Variants in ELP3 observed in about 807,000 individuals in gnomAD.
ELP3 encodes the protein elongator acetyltransferase complex subunit 3.
In ELP3, 56 loss-of-function variants were observed where a neutral mutation model predicts 74.9. The ratio of observed to expected loss-of-function variants is 0.75; its 90% CI spans 0.60 to 0.93. The LOEUF (loss-of-function observed/expected upper bound fraction) is 0.93. Ranked by LOEUF, ELP3 falls within the 40% of genes least tolerant of loss-of-function variation. The probability of loss-of-function intolerance (pLI) is 0.00; values close to 1 mark genes in which losing one functional copy is unlikely to be tolerated. For synonymous variants in ELP3, 222 were observed against 239.8 expected (o/e 0.93, Z 0.68); for missense variants, 573 against 686.5 (o/e 0.83, Z 1.85).
chr8:28,149,059 G>A (rs1813542954), intron 10 of ELP3, among the ~76,000 whole-genome samples: 1 of 152,196 alleles, frequency 6.6e-6, no homozygotes, highest in African/African-American at 2.4e-5. Flanking sequence ...CCATCTGTGA[G>A]AAAGTGGGCC....
chr8:28,093,495 A>C, intron 1 of ELP3: 1 of 565,972 alleles, frequency 1.8e-6, no homozygotes. Flanking sequence ...CATTATTCCA[A>C]TATATGCCCT....
At chr8:28,090,424 T>C (rs1170344237), upstream of ELP3, 5 of 303,616 alleles carry the variant, frequency 1.6e-5, no homozygotes, top group Non-Finnish European at 3.2e-5. Flanking sequence ...TGTCCAAGTC[T>C]GGAACCCAGG....
chr8:28,154,037 A>G (rs575831476), intron 10 of ELP3, among the ~76,000 whole-genome samples: 10 of 152,298 alleles, frequency 6.6e-5, no homozygotes, highest in South Asian at 4.1e-4. Context: ...CTGAGATGCT[A>G]TCTCATGTTC....
intron 3 of ELP3, 73 bp from the exon 4 acceptor site, chr8:28,106,640 G>T (rs1028858215): frequency 1.6e-6 from 2 of 1,282,894 alleles, no homozygotes; most frequent in South Asian, 1.3e-5. Context: ...CCTTCCTTCC[G>T]AGGGATAAGC....
At chr8:28,111,587 G>A (rs750040605) in intron 6 of ELP3, among the ~76,000 whole-genome samples, 5 of 152,236 alleles carry the variant, frequency 3.3e-5, no homozygotes, top group Non-Finnish European at 7.3e-5. Flanking sequence ...GGTGACAGGA[G>A]AGGACTCCAT....
chr8:28,095,101 C>G (rs1445815337), intron 1 of ELP3, among the ~76,000 whole-genome samples: 1 of 152,226 alleles, frequency 6.6e-6, no homozygotes, highest in Admixed American at 6.5e-5. Flanking sequence ...TTTAGTTAGG[C>G]TGTGCTGTTT....
chr8:28,106,441 G>A (rs1245198045), intron 3 of ELP3, among the ~76,000 whole-genome samples: 1 of 150,592 alleles, frequency 6.6e-6, no homozygotes, highest in Admixed American at 6.6e-5. Flanking sequence ...CTGGGAGGCT[G>A]AGGCAGGAGA....
intron 14 of ELP3, among the ~76,000 whole-genome samples, chr8:28,182,612 T>C (rs745545079): frequency 1.7e-4 from 25 of 151,224 alleles, no homozygotes; most frequent in Non-Finnish European, 2.2e-4. Context: ...CCACCCCCCC[T>C]TTTTTTTGGC....
At chr8:28,091,564 G>C (rs1308727171), upstream of ELP3, among the ~76,000 whole-genome samples, 2 of 152,310 alleles carry the variant, frequency 1.3e-5, no homozygotes, top group Non-Finnish European at 1.5e-5. Context: ...CTCAATTCTA[G>C]TAGGGTACAT....
chr8:28,090,999 C>T (rs186590956), upstream of ELP3, among the ~76,000 whole-genome samples: 880 of 150,934 alleles, frequency 5.8e-3, 4 homozygotes, highest in South Asian at 0.032. Flanking sequence ...CTCTGCCTCC[C>T]GGGTTCACGC....
chr8:28,091,167 A>T (rs1473382431), upstream of ELP3, among the ~76,000 whole-genome samples: 1 of 152,156 alleles, frequency 6.6e-6, no homozygotes, highest in East Asian at 1.9e-4. Flanking sequence ...CGGCCTCCCA[A>T]AGTGCTGGGA....
intron 7 of ELP3, among the ~76,000 whole-genome samples, chr8:28,123,997 C>T (rs574697881): frequency 6.6e-6 from 1 of 151,636 alleles, no homozygotes; most frequent in South Asian, 2.1e-4. Flanking sequence ...AGTGTTTAGT[C>T]TGTTAACATT....
intron 3 of ELP3, among the ~76,000 whole-genome samples, chr8:28,102,850 T>C (rs933224824): frequency 2.0e-5 from 3 of 152,208 alleles, no homozygotes; most frequent in Non-Finnish European, 4.4e-5. Flanking sequence ...TACTGTGTCA[T>C]ATGAAATAGT....
intron 1 of ELP3, among the ~76,000 whole-genome samples, chr8:28,094,188 G>T (rs1484558168): frequency 6.6e-6 from 1 of 152,100 alleles, no homozygotes; most frequent in African/African-American, 2.4e-5. Context: ...AATCTACCAG[G>T]ATTCTTTTAG....
intron 11 of ELP3, among the ~76,000 whole-genome samples, chr8:28,156,715 A>G (rs1410514712): frequency 6.6e-6 from 1 of 152,198 alleles, no homozygotes; most frequent in African/African-American, 2.4e-5. Flanking sequence ...GATGGGACCT[A>G]TCTGTTTGTT....
At chr8:28,177,158 T>C (rs1269801957) in intron 14 of ELP3, among the ~76,000 whole-genome samples, 2 of 152,226 alleles carry the variant, frequency 1.3e-5, no homozygotes, top group South Asian at 2.1e-4. Flanking sequence ...TGGAGAATAA[T>C]GTATACTGTG....
At chr8:28,116,164 C>A (rs4732623) in intron 7 of ELP3, among the ~76,000 whole-genome samples, 9 of 151,970 alleles carry the variant, frequency 5.9e-5, no homozygotes, top group Non-Finnish European at 1.0e-4. Context: ...CCCCCTACCC[C>A]CTTAACTTCC....
chr8:28,133,221 T>TA (rs780849294), intron 9 of ELP3, among the ~76,000 whole-genome samples: 7 of 152,182 alleles, frequency 4.6e-5, no homozygotes, highest in Non-Finnish European at 8.8e-5. Context: ...ATTTACTAAT[T>TA]ACATTTCTTT....
Position 28,099,880 on chromosome 8 carries a change from G to A in ELP3, c.172G>A (p.Val58Met). The change falls in exon 3 of 15, where the codon GTG becomes ATG. Residue 58 changes from valine to methionine, a missense_variant. Transcript: ENST00000256398. ...KYGLSAQPRLVDIIAAVPPQY... is the reference protein window; with the variant it reads ...KYGLSAQPRLMDIIAAVPPQY... Reference sequence around the variant, plus strand: ...TGGCCTTTCTGCCCAGCCCCGCCTGGTGGATATCATTGCTGCCGTCCCTCC... The same window carrying A: ...TGGCCTTTCTGCCCAGCCCCGCCTGATGGATATCATTGCTGCCGTCCCTCC... 6.2e-7 allele frequency: 1 copy of A among 1,614,204 alleles called. No homozygotes were observed. Among genetic ancestry groups the A allele is most frequent in the African/African-American group, 1.3e-5 (1 of 75,044 alleles).
Sources: gnomAD v4.1 joint callset for allele counts (sites outside exome capture counted in the v4.1 genomes callset) on GRCh38, gnomAD v4.1.1 for gene constraint, MANE v1.5 for transcripts, NCBI Gene and HGNC (gene_info 2026-07-23, HGNC 2026-07-21) for gene names.